Variants in NCK2 observed in about 807,000 individuals in gnomAD.
NCK2 encodes the protein cytoplasmic protein NCK2.
NCK2 carries 16 observed loss-of-function variants against 33.9 expected under a neutral mutation model. The ratio of observed to expected loss-of-function variants is 0.47; its 90% CI spans 0.32 to 0.72. The LOEUF is 0.72. NCK2 is among the 30% of genes least tolerant of loss of function. NCK2 has a pLI of 0.03. For synonymous variants in NCK2, 273 were observed against 239.9 expected (o/e 1.14, Z -1.27); for missense variants, 418 against 537.3 (o/e 0.78, Z 2.19).
intron 4 of NCK2, among the ~76,000 whole-genome samples, chr2:105,892,499 T>G (rs928125335): frequency 6.6e-6 from 1 of 151,850 alleles, no homozygotes; most frequent in East Asian, 1.9e-4. Flanking sequence ...AATCGTGGAC[T>G]ACCTCCAGGT....
chr2:105,801,329 T>TA (rs747067645), intron 1 of NCK2, among the ~76,000 whole-genome samples: 3 of 152,122 alleles, frequency 2.0e-5, no homozygotes, highest in Non-Finnish European at 2.9e-5. Context: ...CCCCAGCCCT[T>TA]ACGTCTGTTG....
chr2:105,806,852 C>G (rs757038734), intron 1 of NCK2, among the ~76,000 whole-genome samples: 1 of 152,094 alleles, frequency 6.6e-6, no homozygotes, highest in Non-Finnish European at 1.5e-5. Context: ...AAAACCCAAC[C>G]AACCATCCTA....
intron 3 of NCK2, among the ~76,000 whole-genome samples, chr2:105,862,451 C>T (rs772483265): frequency 1.1e-4 from 16 of 152,194 alleles, no homozygotes; most frequent in African/African-American, 2.4e-5. Flanking sequence ...CCTGAGAACA[C>T]AGCAGTCACA....
chr2:105,858,036 TGTTTTTTGGG>T (rs1242585476), intron 3 of NCK2, among the ~76,000 whole-genome samples: 3 of 147,408 alleles, frequency 2.0e-5, no homozygotes, highest in African/African-American at 7.3e-5. Context: ...TTTTGTTCTT[TGTTTTTTGGG>T]GTTTTTTTTT....
At chr2:105,800,332 G>A (rs1311385262) in intron 1 of NCK2, among the ~76,000 whole-genome samples, 1 of 152,180 alleles carries the variant, frequency 6.6e-6, no homozygotes, top group African/African-American at 2.4e-5. Context: ...TTGTCTTGTT[G>A]TAAAGATTGA....
At chr2:105,826,176 A>AG (rs1675934945) in intron 2 of NCK2, among the ~76,000 whole-genome samples, 1 of 152,218 alleles carries the variant, frequency 6.6e-6, no homozygotes, top group African/African-American at 2.4e-5. Context: ...AGGGGAAGCA[A>AG]GGCACCTTCT....
chr2:105,789,969 G>C (rs945422395), intron 1 of NCK2, among the ~76,000 whole-genome samples: 1 of 152,222 alleles, frequency 6.6e-6, no homozygotes, highest in Non-Finnish European at 1.5e-5. Context: ...CTGCCTGGAG[G>C]GGGCAGGGTA....
intron 3 of NCK2, among the ~76,000 whole-genome samples, chr2:105,864,688 A>G (rs1677678161): frequency 6.6e-6 from 1 of 152,086 alleles, no homozygotes; most frequent in Non-Finnish European, 1.5e-5. Context: ...GAGGCAGCTG[A>G]TTAGGTACCT....
At chr2:105,753,993 C>A (rs759078250) in intron 1 of NCK2, among the ~76,000 whole-genome samples, 3 of 152,176 alleles carry the variant, frequency 2.0e-5, no homozygotes, top group Admixed American at 6.5e-5. Flanking sequence ...GCCAGCTTCT[C>A]GAACCTACCC....
At chr2:105,839,459 A>G (rs1676552523) in intron 2 of NCK2, among the ~76,000 whole-genome samples, 1 of 152,120 alleles carries the variant, frequency 6.6e-6, no homozygotes, top group African/African-American at 2.4e-5. Context: ...GCTGGAAAGA[A>G]TGGGGAGTGA....
At chr2:105,772,895 A>ATTT (rs34721498) in intron 1 of NCK2, among the ~76,000 whole-genome samples, 20,097 of 132,934 alleles carry the variant, frequency 0.15, 1,963 homozygotes, top group East Asian at 0.28. Flanking sequence ...ACGTGTCCAC[A>ATTT]TTTTTTTTTT....
At chr2:105,853,925 A>T (rs1323673855) in intron 2 of NCK2, 1 of 152,242 alleles carries the variant, frequency 6.6e-6, no homozygotes, top group African/African-American at 2.4e-5. Context: ...GAGGATGAGG[A>T]ACCTGATCAG....
chr2:105,893,446 C>T lies in NCK2; in HGVS notation c.*270C>T. ...CCATCGGAAGTGGCGCTCGTGCATT[C>T]AACTCGTTCCCGCTCATGGAACCCC... On this transcript the variant is annotated 3_prime_UTR_variant, in exon 5 of 5. Coordinates refer to ENST00000233154, the MANE Select transcript of NCK2 (RefSeq NM_003581.5). 2.4e-6 allele frequency: 1 copy of T among 408,888 alleles called. No homozygotes were observed. Among genetic ancestry groups the T allele is most frequent in the Non-Finnish European group, 4.5e-6 (1 of 220,694 alleles). 25.3% of individuals were successfully genotyped at this position (408,888 alleles called of 1,614,324 possible). A position where few individuals can be genotyped will look rare whatever the true frequency, so the allele number is the denominator to read the frequency against.
rs781754645 is a variant in NCK2 at position 105,881,444 on chromosome 2, C to T, written c.343C>T (p.Pro115Ser). ...GADRIYDLNI[P>S]AFVKFAYVAE... ...CGACCGCATCTACGACCTCAACATC[C>T]CGGCCTTCGTCAAGTTCGCCTATGT... The change falls in exon 4 of 5, where the codon CCG becomes TCG. Residue 115 changes from proline (P) to serine (S), a missense_variant. Pro to Ser is a moderately conservative substitution (Grantham distance 74). Coordinates refer to ENST00000233154, the MANE Select transcript of NCK2 (RefSeq NM_003581.5). The T allele has an allele frequency of 2.8e-5, 45 of 1,613,500 alleles. No individual in the cohort carries two copies. The highest frequency in any genetic ancestry group is 3.6e-5 in the Non-Finnish European group (42 of 1,179,992).
chr2:105,785,583 A>G (rs1268248036), intron 1 of NCK2, among the ~76,000 whole-genome samples: 2 of 152,198 alleles, frequency 1.3e-5, no homozygotes, highest in African/African-American at 2.4e-5. Flanking sequence ...CAGTAAAGGG[A>G]AAGGCCCAAT....
At chr2:105,775,019 GATAATAATAATATA>G (rs926246270) in intron 1 of NCK2, among the ~76,000 whole-genome samples, 31 of 151,960 alleles carry the variant, frequency 2.0e-4, no homozygotes, top group African/African-American at 7.5e-4. Context: ...TCTCTACAAT[GATAATAATAATATA>G]ATAATAATAA....
chr2:105,744,828 A>G, upstream of NCK2: 2 of 157,206 alleles, frequency 1.3e-5, no homozygotes, highest in East Asian at 1.9e-4. Flanking sequence ...GAGGAGGAAG[A>G]GCGCGGAGGA....
At position 105,892,977 on chromosome 2, in the gene NCK2, C is replaced by T. The variant is rs1173348077; in HGVS notation, c.949-5C>T. Reference sequence around the variant, plus strand: ...GGCTGTAACTGTGTTCTGTTTCCTCCCCAGCCCAGCGACTTCTCCGTGTCC... The same window carrying T: ...GGCTGTAACTGTGTTCTGTTTCCTCTCCAGCCCAGCGACTTCTCCGTGTCC... On this transcript the variant is annotated splice_polypyrimidine_tract_variant and splice_region_variant and intron_variant, in intron 4 of 4. Coordinates refer to ENST00000233154, the MANE Select transcript of NCK2 (RefSeq NM_003581.5). 6.2e-7 allele frequency: 1 copy of T among 1,603,428 alleles called. No individual in the cohort carries two copies. Among genetic ancestry groups the T allele is most frequent in the Non-Finnish European group, 8.5e-7 (1 of 1,171,450 alleles).
intron 1 of NCK2, among the ~76,000 whole-genome samples, chr2:105,775,648 A>C (rs1286441884): frequency 6.6e-6 from 1 of 152,182 alleles, no homozygotes; most frequent in East Asian, 1.9e-4. Context: ...TTTCAAGTGA[A>C]GAATAATCAG....
Sources: gnomAD v4.1 joint callset for allele counts (sites outside exome capture counted in the v4.1 genomes callset) on GRCh38, gnomAD v4.1.1 for gene constraint, MANE v1.5 for transcripts, NCBI Gene and HGNC (gene_info 2026-07-23, HGNC 2026-07-21) for gene names.